TANC2: variants seen among roughly 807,000 people sequenced by gnomAD.
TANC2 encodes tetratricopeptide repeat, ankyrin repeat and coiled-coil containing 2, also known as protein TANC2.
In TANC2, 26 loss-of-function variants were observed where a neutral mutation model predicts 210.5. That is an observed-to-expected ratio of 0.12 (90% confidence interval 0.09 to 0.17). TANC2 has a LOEUF of 0.17. Among genes scored for constraint, TANC2 ranks in the 10% least tolerant of loss-of-function variants. The pLI is 1.00. For missense variants in TANC2, 2,129 were observed against 2,608.9 expected, an observed-to-expected ratio of 0.82 and a Z score of 4.01; for synonymous variants, 931 against 967.1, an observed-to-expected ratio of 0.96 and a Z score of 0.69.
chr17:63,263,350 T>C (rs1020631262), intron 8 of TANC2, among the ~76,000 whole-genome samples: 4 of 152,204 alleles, frequency 2.6e-5, no homozygotes, highest in Admixed American at 6.6e-5. Context: ...AGCAGAGATC[T>C]AGAGCAGACA....
intron 1 of TANC2, among the ~76,000 whole-genome samples, chr17:63,003,889 TAA>T (rs2033495610): frequency 6.6e-6 from 1 of 152,214 alleles, no homozygotes; most frequent in Admixed American, 6.5e-5. Flanking sequence ...GTCTGTTTTT[TAA>T]TTTGTTTGTT....
At chr17:63,265,428 A>G (rs1226609364) in intron 8 of TANC2, among the ~76,000 whole-genome samples, 3 of 152,210 alleles carry the variant, frequency 2.0e-5, no homozygotes, top group Non-Finnish European at 4.4e-5. Flanking sequence ...TTTGGGATTA[A>G]TGACCCATTT....
At position 63,056,309 on chromosome 17, in the gene TANC2, T is replaced by C. The variant is rs2035806234; in HGVS notation, c.68-17634T>C. The stretch of plus-strand genomic sequence containing the variant: ...GATTAGTTTCCACTGGGGTAAGATG[T>C]AATTAAAGTTTCAGTCTTAGAGAAT... On this transcript the variant is annotated intron_variant, in intron 2 of 27. Transcript: ENST00000689528. Among the ~76,000 whole-genome samples, 2 of 151,960 alleles carry C rather than the reference T, an allele frequency of 1.3e-5. 1 individual carries two copies. The highest frequency in any genetic ancestry group is 4.2e-4 in the South Asian group (2 of 4,810).
intron 2 of TANC2, among the ~76,000 whole-genome samples, chr17:63,062,573 A>G (rs2036034084): frequency 6.6e-6 from 1 of 152,030 alleles, no homozygotes. Context: ...TATCAAATTA[A>G]TTCTTTGTAT....
At chr17:63,091,675 G>T (rs2037200053) in intron 3 of TANC2, among the ~76,000 whole-genome samples, 1 of 152,188 alleles carries the variant, frequency 6.6e-6, no homozygotes, top group Admixed American at 6.5e-5. Flanking sequence ...TTTGGCTTAG[G>T]ATTGTCTTAG....
intron 1 of TANC2, among the ~76,000 whole-genome samples, chr17:63,005,643 A>C (rs1295241974): frequency 1.3e-5 from 2 of 152,074 alleles, no homozygotes; most frequent in Non-Finnish European, 2.9e-5. Flanking sequence ...ACTGTTAAGC[A>C]ACATTGTAGA....
intron 8 of TANC2, among the ~76,000 whole-genome samples, chr17:63,258,057 CTT>C (rs1248193334): frequency 6.6e-6 from 1 of 152,142 alleles, no homozygotes; most frequent in Non-Finnish European, 1.5e-5. Flanking sequence ...AATTAAATCT[CTT>C]AGCTTTTGTT....
At chr17:63,416,914 G>A (rs1405716715) in intron 26 of TANC2, among the ~76,000 whole-genome samples, 1 of 152,232 alleles carries the variant, frequency 6.6e-6, no homozygotes, top group African/African-American at 2.4e-5. Context: ...ACAGCACCAA[G>A]GCCTCCCCTG....
Position 63,421,893 on chromosome 17 carries a change from T to C in TANC2, c.6163T>C (p.Ser2055Pro). The C allele has an allele frequency of 2.5e-6, 4 of 1,613,960 alleles. No individual in the cohort carries two copies. The highest frequency in any genetic ancestry group is 3.4e-6 in the Non-Finnish European group (4 of 1,179,870). ...CCTGTACAGGCAGCTGTCCCGAGAC[T>C]CTCGGCAAGGGCAGACATCCCCTAT... Residue 2055 changes from serine (S) to proline (P), a missense_variant, in exon 28 of 28, where the codon TCT becomes CCT. This residue lies in a region of TANC2 where 161 missense variants were observed against 178.6 expected (regional missense o/e 0.90). Coordinates refer to ENST00000689528, the Ensembl canonical transcript of TANC2. This position sits in a 1 kb window ranked among gnomAD's most constrained non-coding sequence, Gnocchi z 6.9.
chr17:63,016,974 A>G (rs1001058885), intron 2 of TANC2, among the ~76,000 whole-genome samples: 1 of 152,126 alleles, frequency 6.6e-6, no homozygotes. Context: ...TGATTTGCAA[A>G]TGTTTTCTCC....
At chr17:63,226,826 C>G (rs1263409667) in intron 7 of TANC2, among the ~76,000 whole-genome samples, 1 of 152,118 alleles carries the variant, frequency 6.6e-6, no homozygotes, top group Non-Finnish European at 1.5e-5. Flanking sequence ...TTGTTCCACT[C>G]CCACTTATAA....
intron 7 of TANC2, 41 bp from the exon 8 acceptor site, chr17:63,237,773 T>C (rs1395246526): frequency 1.3e-6 from 2 of 1,500,178 alleles, no homozygotes; most frequent in East Asian, 4.9e-5. Flanking sequence ...TAACTGTATG[T>C]ATGTGGCTTT....
At chr17:63,358,379 A>ATGTGTGTGTGTGTGTGTGTGTGTGTGTG (rs375498280) in intron 14 of TANC2, among the ~76,000 whole-genome samples, 5 of 139,534 alleles carry the variant, frequency 3.6e-5, no homozygotes, top group African/African-American at 1.1e-4. Flanking sequence ...GAGAGAGAGT[A>ATGTGTGTGTGTGTGTGTGTGTGTGTGTG]TGTGTGTGTG....
chr17:63,006,369 A>T (rs1277101661), intron 1 of TANC2, among the ~76,000 whole-genome samples: 2 of 151,848 alleles, frequency 1.3e-5, no homozygotes, highest in Admixed American at 6.6e-5. Context: ...ACTGATTTTC[A>T]TCCTTTACTT....
intron 5 of TANC2, among the ~76,000 whole-genome samples, chr17:63,157,178 T>A (rs1026586558): frequency 6.6e-6 from 1 of 152,028 alleles, no homozygotes; most frequent in Admixed American, 6.5e-5. Context: ...ATCCTATGCT[T>A]TGGGAGAGGC....
intron 5 of TANC2, among the ~76,000 whole-genome samples, chr17:63,180,413 A>G (rs957186116): frequency 7.2e-5 from 11 of 152,224 alleles, no homozygotes; most frequent in African/African-American, 2.7e-4. Flanking sequence ...AAAAGGGACA[A>G]TATTGCTGTT....
At chr17:63,312,917 A>G (rs1598832639) in intron 9 of TANC2, among the ~76,000 whole-genome samples, 1 of 152,210 alleles carries the variant, frequency 6.6e-6, no homozygotes, top group East Asian at 1.9e-4. Flanking sequence ...TATTTGCACT[A>G]CTTTTGGAAA....
At chr17:63,335,933 A>C (rs1386680106) in intron 11 of TANC2, among the ~76,000 whole-genome samples, 1 of 152,146 alleles carries the variant, frequency 6.6e-6, no homozygotes, top group African/African-American at 2.4e-5. Flanking sequence ...AGTTCAAAGT[A>C]AAAAATTAAA....
chr17:63,239,870 A>C (rs1026270674), intron 8 of TANC2, among the ~76,000 whole-genome samples: 2 of 152,080 alleles, frequency 1.3e-5, no homozygotes, highest in African/African-American at 4.8e-5. Flanking sequence ...ATCATGGCAA[A>C]AGGCACAGGG....
Sources: allele counts gnomAD v4.1 joint callset (sites outside exome capture counted in the v4.1 genomes callset), GRCh38; gene constraint gnomAD v4.1.1; regional missense constraint gnomAD v4.1.1; non-coding constraint Gnocchi (gnomAD v3.1); transcripts MANE v1.5; gene names NCBI Gene and HGNC (gene_info 2026-07-23, HGNC 2026-07-21).